The following ITGA2 variants were observed in gnomAD, a reference collection of about 807,000 sequenced individuals.
ITGA2 encodes the protein integrin subunit alpha 2.
ITGA2 carries 101 observed loss-of-function variants against 146.3 expected under a neutral mutation model. That is an observed-to-expected ratio of 0.69 (90% CI 0.59 to 0.81). The LOEUF (loss-of-function observed/expected upper bound fraction) is 0.81, where lower values mean the gene tolerates loss of function less well. Ranked by LOEUF, ITGA2 falls within the 40% of genes least tolerant of loss-of-function variation. The pLI, the probability that ITGA2 is intolerant of heterozygous loss-of-function variation, is 0.00. For missense variants in ITGA2, 1,281 were observed against 1,402.7 expected (o/e 0.91, Z 1.39); for synonymous variants, 477 against 487.1 (o/e 0.98, Z 0.27).
chr5:53,015,447 T>A (rs1742357571), intron 1 of ITGA2, among the ~76,000 whole-genome samples: 1 of 145,900 alleles, frequency 6.9e-6, no homozygotes, highest in Admixed American at 7.1e-5. Context: ...TATTGTGCTG[T>A]GGTCCAAGAC....
In ITGA2 at chr5:52,989,622, C is replaced by G. The variant is rs953110462; in HGVS notation, c.64+90C>G. 7 of 1,416,110 alleles carry G rather than the reference C, an allele frequency of 4.9e-6. No individual in the cohort carries two copies. The East Asian group carries it at 1.6e-4, about 32-fold the overall frequency. 87.7% of individuals were successfully genotyped at this position (1,416,110 alleles called of 1,614,324 possible). On this transcript the variant is annotated intron_variant, in intron 1 of 29. Transcript: ENST00000296585. ...GGAGGGATTGGGCGGAACTAGGGAG[C>G]GAGCTCCGTGTGTTCCCTCGGATTC...
intron 1 of ITGA2, among the ~76,000 whole-genome samples, chr5:53,009,439 A>G (rs1487141567): frequency 1.3e-5 from 2 of 152,184 alleles, no homozygotes; most frequent in African/African-American, 4.8e-5. Context: ...CTCATTATAC[A>G]GCGGCAGAAT....
intron 20 of ITGA2, among the ~76,000 whole-genome samples, chr5:53,073,748 AAG>A (rs1428072659): frequency 1.3e-5 from 2 of 151,936 alleles, no homozygotes; most frequent in East Asian, 3.9e-4. Flanking sequence ...ATGAAGAAAA[AAG>A]GGAGAGAAGG....
chr5:53,060,821 G>A (rs1391876125), intron 11 of ITGA2, 80 bp from the exon 12 acceptor site: 3 of 1,334,020 alleles, frequency 2.2e-6, no homozygotes, highest in African/African-American at 2.9e-5. Flanking sequence ...AAGGATCTCT[G>A]GTCACCTTTA....
intron 1 of ITGA2, among the ~76,000 whole-genome samples, chr5:53,001,064 G>A (rs1348072151): frequency 6.6e-6 from 1 of 151,724 alleles, no homozygotes; most frequent in Non-Finnish European, 1.5e-5. Context: ...ACCATGCTGG[G>A]CTAATTTTTG....
intron 9 of ITGA2, among the ~76,000 whole-genome samples, chr5:53,057,318 G>T (rs1161695752): frequency 6.6e-6 from 1 of 151,910 alleles, no homozygotes; most frequent in Non-Finnish European, 1.5e-5. Flanking sequence ...AGTACAGTTT[G>T]TCTTCTTTTC....
chr5:53,067,276 A>ATCTG lies in ITGA2; in HGVS notation c.2083+21_2083+24dup, dbSNP rs779394585. On this transcript the variant is annotated intron_variant, in intron 16 of 29. Transcript: ENST00000296585. ...CAAGTGGGTGCGTAGATCTGAAATA[A>ATCTG]TCTGTATAGAAATTGGTTGGCTTAC... The ATCTG allele has an allele frequency of 2.7e-5, 43 of 1,610,682 alleles. No individual in the cohort carries two copies. The highest frequency in any genetic ancestry group is 3.4e-5 in the Non-Finnish European group (40 of 1,178,214).
intron 7 of ITGA2, among the ~76,000 whole-genome samples, chr5:53,052,944 C>T (rs1418428445): frequency 6.6e-6 from 1 of 152,162 alleles, no homozygotes; most frequent in African/African-American, 2.4e-5. Flanking sequence ...CTCACACTGG[C>T]ATCTAGCTGA....
chr5:53,045,551 G>C (rs1376725926), intron 4 of ITGA2, among the ~76,000 whole-genome samples: 1 of 152,094 alleles, frequency 6.6e-6, no homozygotes, highest in African/African-American at 2.4e-5. Flanking sequence ...GTTACAAAAA[G>C]AGTAAAAAGA....
At chr5:53,026,479 C>A (rs1742950188) in intron 1 of ITGA2, among the ~76,000 whole-genome samples, 2 of 152,118 alleles carry the variant, frequency 1.3e-5, no homozygotes, top group South Asian at 4.1e-4. Context: ...CCTCAAAATT[C>A]TCTGCAAAAC....
At chr5:53,037,879 A>G (rs1379071156) in intron 2 of ITGA2, among the ~76,000 whole-genome samples, 1 of 152,228 alleles carries the variant, frequency 6.6e-6, no homozygotes, top group Non-Finnish European at 1.5e-5. Context: ...TTAAGATAGC[A>G]TAATACTGTC....
chr5:53,030,174 A>G (rs1339434367), intron 2 of ITGA2, among the ~76,000 whole-genome samples: 1 of 152,240 alleles, frequency 6.6e-6, no homozygotes, highest in African/African-American at 2.4e-5. Flanking sequence ...AGAGGCAGCC[A>G]TATCTCCTTT....
In ITGA2 at chr5:53,072,700, G is replaced by A. The variant is rs1392151242; in HGVS notation, c.2429+5G>A. ...CCGACAAATACCAGCTGCTCAGTAAGTTTTACTTTAAAGCTTGTTGTAAAA... is the reference window on the plus strand; with the variant it reads ...CCGACAAATACCAGCTGCTCAGTAAATTTTACTTTAAAGCTTGTTGTAAAA... On this transcript the variant is annotated splice_donor_5th_base_variant and intron_variant, in intron 19 of 29. Transcript: ENST00000296585. The A allele has an allele frequency of 6.2e-7, 1 of 1,602,568 alleles. No individual in the cohort carries two copies. Among genetic ancestry groups the A allele is most frequent in the East Asian group, 2.2e-5 (1 of 44,622 alleles).
At chr5:53,071,083 G>A (rs1745371650) in intron 17 of ITGA2, among the ~76,000 whole-genome samples, 1 of 151,918 alleles carries the variant, frequency 6.6e-6, no homozygotes, top group South Asian at 2.1e-4. Flanking sequence ...GGATGGTACA[G>A]AGAGATCTTA....
intron 1 of ITGA2, among the ~76,000 whole-genome samples, chr5:52,999,075 A>C (rs921987680): frequency 1.3e-5 from 2 of 152,242 alleles, no homozygotes; most frequent in African/African-American, 4.8e-5. Flanking sequence ...AACAAGATGA[A>C]TGAAAGTATT....
intron 5 of ITGA2, 68 bp from the exon 6 acceptor site, chr5:53,048,575 C>G: frequency 1.2e-6 from 2 of 1,612,544 alleles, no homozygotes; most frequent in Non-Finnish European, 1.7e-6. Flanking sequence ...CCTTAAGTCT[C>G]ATTTTTATAT....
intron 1 of ITGA2, among the ~76,000 whole-genome samples, chr5:53,006,817 C>T (rs769709123): frequency 1.3e-5 from 2 of 152,068 alleles, no homozygotes; most frequent in South Asian, 4.1e-4. Flanking sequence ...TTAAGGTCAC[C>T]GTCTCTTTTC....
chr5:53,063,956 A>G (rs1745023801), intron 13 of ITGA2, among the ~76,000 whole-genome samples: 1 of 151,912 alleles, frequency 6.6e-6, no homozygotes, highest in South Asian at 2.1e-4. Context: ...AGATTATATT[A>G]GAGGAGAAAG....
intron 9 of ITGA2, 147 bp downstream of exon 9, chr5:53,056,296 GAATA>G (rs1267807520): frequency 9.4e-6 from 6 of 640,668 alleles, no homozygotes; most frequent in Non-Finnish European, 1.6e-5. Flanking sequence ...TGAAAAACAT[GAATA>G]AATAGTTTAT....
Sources: allele counts gnomAD v4.1 joint callset (sites outside exome capture counted in the v4.1 genomes callset), GRCh38; gene constraint gnomAD v4.1.1; transcripts MANE v1.5; gene names NCBI Gene and HGNC (gene_info 2026-07-23, HGNC 2026-07-21).